The following NALF1 variants were observed in gnomAD, a reference collection of about 807,000 sequenced individuals.
The protein encoded by NALF1 is NALCN channel auxiliary factor 1.
Under a neutral mutation model 48.4 loss-of-function variants are expected in NALF1, and 3 were observed. That is an observed-to-expected ratio of 0.06 (90% CI 0.03 to 0.16). The LOEUF (loss-of-function observed/expected upper bound fraction) is 0.16, where lower values mean the gene tolerates loss of function less well. NALF1 is among the 10% of genes least tolerant of loss of function. The pLI is 1.00. For missense variants in NALF1, 526 were observed against 571.5 expected, an observed-to-expected ratio of 0.92 and a Z score of 0.81; for synonymous variants, 262 against 245.7, an observed-to-expected ratio of 1.07 and a Z score of -0.62.
chr13:107,528,802 T>A (rs993016727), intron 1 of NALF1, among the ~76,000 whole-genome samples: 2 of 152,148 alleles, frequency 1.3e-5, no homozygotes, highest in African/African-American at 4.8e-5. Flanking sequence ...GACGATTCAT[T>A]AATACGTACA....
chr13:107,608,738 G>A (rs562236555), intron 1 of NALF1, among the ~76,000 whole-genome samples: 16 of 152,320 alleles, frequency 1.1e-4, no homozygotes, highest in African/African-American at 3.8e-4. Context: ...GAAAAAAATA[G>A]AATTCATCCC....
At chr13:107,324,658 T>C (rs1488648690) in intron 1 of NALF1, among the ~76,000 whole-genome samples, 2 of 152,186 alleles carry the variant, frequency 1.3e-5, no homozygotes, top group African/African-American at 4.8e-5. Flanking sequence ...ATGTTGCGTA[T>C]CAGTTGTGTT....
At chr13:107,579,072 T>C (rs1566401275) in intron 1 of NALF1, among the ~76,000 whole-genome samples, 1 of 152,142 alleles carries the variant, frequency 6.6e-6, no homozygotes. Flanking sequence ...ATGCTAACAT[T>C]CCATAATCAC....
At chr13:107,245,239 A>G (rs1057323351) in intron 1 of NALF1, among the ~76,000 whole-genome samples, 2 of 152,232 alleles carry the variant, frequency 1.3e-5, no homozygotes, top group Non-Finnish European at 2.9e-5. Context: ...AGCTACTTCT[A>G]TATAATGAAA....
chr13:107,817,866 A>T (rs956612580), intron 1 of NALF1, among the ~76,000 whole-genome samples: 1 of 152,066 alleles, frequency 6.6e-6, no homozygotes, highest in African/African-American at 2.4e-5. Context: ...TATTTGCATC[A>T]TAGTAGCGCA....
At chr13:107,769,044 G>C (rs930001205) in intron 1 of NALF1, among the ~76,000 whole-genome samples, 6 of 150,740 alleles carry the variant, frequency 4.0e-5, no homozygotes, top group African/African-American at 1.2e-4. Context: ...GAAACAACAG[G>C]TGCTGGAGAG....
At chr13:107,795,162 G>A (rs571255599) in intron 1 of NALF1, among the ~76,000 whole-genome samples, 69 of 152,280 alleles carry the variant, frequency 4.5e-4, no homozygotes, top group Non-Finnish European at 9.1e-4. Context: ...GAATGCAAGC[G>A]TAACTACAAA....
At chr13:107,654,756 A>G (rs927448236) in intron 1 of NALF1, among the ~76,000 whole-genome samples, 1 of 152,100 alleles carries the variant, frequency 6.6e-6, no homozygotes, top group Non-Finnish European at 1.5e-5. Context: ...TCAATAAAAT[A>G]CTAGCAAAAT....
intron 1 of NALF1, among the ~76,000 whole-genome samples, chr13:107,455,760 A>T (rs1345758479): frequency 6.6e-6 from 1 of 152,178 alleles, no homozygotes; most frequent in Admixed American, 6.5e-5. Context: ...TGCCTTTCCC[A>T]GAATATCATA....
At chr13:107,680,198 C>T (rs566252039) in intron 1 of NALF1, among the ~76,000 whole-genome samples, 1 of 152,270 alleles carries the variant, frequency 6.6e-6, no homozygotes, top group Non-Finnish European at 1.5e-5. Context: ...TTGCCAAGCT[C>T]ATCTCTTCCC....
intron 2 of NALF1, among the ~76,000 whole-genome samples, chr13:107,209,500 A>C (rs1439846473): frequency 2.5e-5 from 1 of 39,648 alleles, no homozygotes; most frequent in East Asian, 1.0e-3. Flanking sequence ...CTCCATCTCA[A>C]AAAAAAAAAA....
intron 1 of NALF1, among the ~76,000 whole-genome samples, chr13:107,674,839 G>T (rs1406637782): frequency 1.3e-5 from 2 of 152,168 alleles, no homozygotes; most frequent in African/African-American, 4.8e-5. Context: ...GTCAAGTTGG[G>T]GAAAGTGTGT....
chr13:107,474,683 C>T (rs1261958754), intron 1 of NALF1, among the ~76,000 whole-genome samples: 2 of 152,082 alleles, frequency 1.3e-5, no homozygotes, highest in Admixed American at 1.3e-4. Flanking sequence ...TCATAGTACA[C>T]AGTCAAGAAC....
chr13:107,638,650 G>A lies in NALF1; in HGVS notation c.915+227032C>T, dbSNP rs558006366. 4.6e-5 allele frequency among the ~76,000 whole-genome samples: 7 copies of A among 152,276 alleles called. No individual in the cohort carries two copies. In the South Asian group the frequency reaches 1.5e-3, roughly 32 times the overall value. On this transcript the variant is annotated intron_variant, in intron 1 of 2. Transcript: ENST00000375915. ...AACTAATAACAGTACAAACAGCAAT[G>A]AGGCAAGAGAGTAGCTGAGAAAGTT...
intron 1 of NALF1, among the ~76,000 whole-genome samples, chr13:107,287,849 G>T (rs1881529680): frequency 6.6e-6 from 1 of 151,594 alleles, no homozygotes; most frequent in Non-Finnish European, 1.5e-5. Context: ...GGGATTACAA[G>T]CGCCTGCCAC....
chr13:107,519,291 T>C (rs1210609417), intron 1 of NALF1, among the ~76,000 whole-genome samples: 1 of 151,996 alleles, frequency 6.6e-6, no homozygotes, highest in African/African-American at 2.4e-5. Context: ...AACAATAAAG[T>C]TGTATTGTGC....
chr13:107,184,089 G>T (rs1390594652), intron 2 of NALF1, among the ~76,000 whole-genome samples: 2 of 151,332 alleles, frequency 1.3e-5, no homozygotes, highest in Admixed American at 6.6e-5. Flanking sequence ...GGTTCAGGTG[G>T]TTGATGGGTG....
chr13:107,347,716 A>G (rs1022521719), intron 1 of NALF1, among the ~76,000 whole-genome samples: 1 of 152,220 alleles, frequency 6.6e-6, no homozygotes, highest in Non-Finnish European at 1.5e-5. Context: ...AGAAAAAAAT[A>G]CTTTCTAATT....
At chr13:107,396,969 T>A (rs1361171706) in intron 1 of NALF1, among the ~76,000 whole-genome samples, 1 of 152,216 alleles carries the variant, frequency 6.6e-6, no homozygotes, top group Admixed American at 6.5e-5. Flanking sequence ...ACAAAATTAC[T>A]TAAGATCATG....
Sources: gnomAD v4.1 joint callset for allele counts (sites outside exome capture counted in the v4.1 genomes callset) on GRCh38, gnomAD v4.1.1 for gene constraint, MANE v1.5 for transcripts, NCBI Gene and HGNC (gene_info 2026-07-23, HGNC 2026-07-21) for gene names.